ASTN2: variants seen among roughly 807,000 people sequenced by gnomAD.
ASTN2 encodes astrotactin-2.
In ASTN2, 54 loss-of-function variants were observed where a neutral mutation model predicts 139.8. The ratio of observed to expected loss-of-function variants is 0.39; its 90% CI spans 0.31 to 0.48. The LOEUF is 0.48. Ranked by LOEUF, ASTN2 falls within the 20% of genes least tolerant of loss-of-function variation. The pLI, the probability that ASTN2 is intolerant of heterozygous loss-of-function variation, is 0.95. For missense variants in ASTN2, 1,565 were observed against 1,725.1 expected (o/e 0.91, Z 1.64); for synonymous variants, 756 against 719.5 (o/e 1.05, Z -0.81).
intron 17 of ASTN2, among the ~76,000 whole-genome samples, chr9:116,622,526 T>G (rs910689562): frequency 6.6e-6 from 1 of 152,224 alleles, no homozygotes; most frequent in Non-Finnish European, 1.5e-5. Context: ...CTCATTTATA[T>G]ATAAGAAAAC....
intron 13 of ASTN2, among the ~76,000 whole-genome samples, chr9:116,754,027 G>A (rs538085527): frequency 6.9e-5 from 9 of 129,816 alleles, no homozygotes; most frequent in Admixed American, 3.9e-4. Flanking sequence ...TGTTCTCATT[G>A]TTCACCTCCC....
intron 19 of ASTN2, among the ~76,000 whole-genome samples, chr9:116,548,420 T>A (rs1264680831): frequency 6.6e-6 from 1 of 152,164 alleles, no homozygotes; most frequent in Non-Finnish European, 1.5e-5. Context: ...TCTATGTCAG[T>A]AATTCTTTAC....
chr9:116,720,504 G>A (rs1260304410), intron 16 of ASTN2, among the ~76,000 whole-genome samples: 1 of 151,688 alleles, frequency 6.6e-6, no homozygotes, highest in Admixed American at 6.6e-5. Context: ...TGTGGATTTT[G>A]GTGTGCCTTT....
chr9:116,868,640 T>C (rs915968803), intron 10 of ASTN2, among the ~76,000 whole-genome samples: 2 of 152,198 alleles, frequency 1.3e-5, no homozygotes, highest in East Asian at 1.9e-4. Context: ...ACAAGTACCA[T>C]GAATCAGGTG....
At chr9:116,804,489 G>C (rs879566834) in intron 13 of ASTN2, among the ~76,000 whole-genome samples, 4 of 152,100 alleles carry the variant, frequency 2.6e-5, no homozygotes, top group Non-Finnish European at 4.4e-5. Flanking sequence ...AATGACTCCT[G>C]CCTCACAGGA....
intron 6 of ASTN2, among the ~76,000 whole-genome samples, chr9:117,034,250 T>A (rs769959716): frequency 6.6e-6 from 1 of 152,204 alleles, no homozygotes; most frequent in Non-Finnish European, 1.5e-5. Flanking sequence ...CCTCAGTAGA[T>A]GCATAAACTA....
At chr9:116,579,355 C>T (rs1007933758) in intron 19 of ASTN2, among the ~76,000 whole-genome samples, 17 of 152,202 alleles carry the variant, frequency 1.1e-4, no homozygotes, top group African/African-American at 4.1e-4. Flanking sequence ...TCTACCACAA[C>T]CTCCTTGATG....
intron 19 of ASTN2, among the ~76,000 whole-genome samples, chr9:116,498,232 C>T (rs1320943264): frequency 6.6e-6 from 1 of 152,142 alleles, no homozygotes; most frequent in African/African-American, 2.4e-5. Context: ...TCCACCACAA[C>T]AGGCACTTCT....
At chr9:117,218,056 G>A (rs1018765086) in intron 2 of ASTN2, among the ~76,000 whole-genome samples, 1 of 152,218 alleles carries the variant, frequency 6.6e-6, no homozygotes, top group Non-Finnish European at 1.5e-5. Context: ...CATGCTCGGA[G>A]TGGAGAAGGC....
intron 1 of ASTN2, among the ~76,000 whole-genome samples, chr9:117,378,388 T>TAA (rs1411434454): frequency 2.6e-5 from 4 of 152,194 alleles, no homozygotes; most frequent in African/African-American, 9.6e-5. Context: ...TACCTGGGAA[T>TAA]AATGTGTTGT....
intron 10 of ASTN2, among the ~76,000 whole-genome samples, chr9:116,913,809 G>A (rs1289033265): frequency 1.3e-5 from 2 of 151,934 alleles, no homozygotes; most frequent in Non-Finnish European, 2.9e-5. Context: ...TCAGGCATGT[G>A]TGAGAAGGTG....
intron 4 of ASTN2, among the ~76,000 whole-genome samples, chr9:117,106,268 C>T (rs1829100175): frequency 1.3e-5 from 2 of 151,948 alleles, no homozygotes; most frequent in African/African-American, 4.8e-5. Flanking sequence ...ATTCTGTAAC[C>T]CAGGCTGGAG....
At chr9:116,561,810 G>C (rs1468568203) in intron 19 of ASTN2, among the ~76,000 whole-genome samples, 3 of 152,188 alleles carry the variant, frequency 2.0e-5, no homozygotes, top group Admixed American at 2.0e-4. Flanking sequence ...AGCTATGGAG[G>C]GTAAGAAGGA....
intron 5 of ASTN2, among the ~76,000 whole-genome samples, chr9:117,050,765 C>G (rs1350226985): frequency 6.6e-6 from 1 of 152,106 alleles, no homozygotes; most frequent in Non-Finnish European, 1.5e-5. Flanking sequence ...ATTTTCACAT[C>G]TCTGTGCTCC....
At chr9:116,849,335 C>T (rs1026527127) in intron 11 of ASTN2, among the ~76,000 whole-genome samples, 2 of 152,128 alleles carry the variant, frequency 1.3e-5, no homozygotes, top group Non-Finnish European at 2.9e-5. Flanking sequence ...AGTCCCAACC[C>T]TCTAATCTTG....
chr9:117,079,946 T>C (rs1017841993), intron 5 of ASTN2, among the ~76,000 whole-genome samples: 2 of 152,010 alleles, frequency 1.3e-5, no homozygotes, highest in South Asian at 2.1e-4. Context: ...AAACCACTCA[T>C]AGAAGAAAGA....
At chr9:117,366,121 G>A (rs1829837894) in intron 1 of ASTN2, among the ~76,000 whole-genome samples, 1 of 152,044 alleles carries the variant, frequency 6.6e-6, no homozygotes, top group Admixed American at 6.6e-5. Flanking sequence ...CTACATACTG[G>A]AGGCACTCAC....
chr9:117,411,564 G>A (rs891155476), intron 1 of ASTN2, among the ~76,000 whole-genome samples: 2 of 151,656 alleles, frequency 1.3e-5, no homozygotes, highest in African/African-American at 2.4e-5. Flanking sequence ...CTTGGTGCAC[G>A]CAGATGGGAG....
intron 21 of ASTN2, 38 bp from the exon 22 acceptor site, chr9:116,440,830 G>C (rs374717902): frequency 6.3e-7 from 1 of 1,577,708 alleles, no homozygotes; most frequent in Non-Finnish European, 8.7e-7. Flanking sequence ...TCACTGGGTG[G>C]TGAAAAAAAG....
Sources: gnomAD v4.1 joint callset for allele counts (sites outside exome capture counted in the v4.1 genomes callset) on GRCh38, gnomAD v4.1.1 for gene constraint, MANE v1.5 for transcripts, NCBI Gene and HGNC (gene_info 2026-07-23, HGNC 2026-07-21) for gene names.